Variants in COG5 observed in about 807,000 individuals in gnomAD.
COG5 encodes conserved oligomeric Golgi complex subunit 5.
A neutral mutation model predicts 110.4 loss-of-function variants in COG5; 86 were observed. The ratio of observed to expected loss-of-function variants is 0.78; its 90% CI spans 0.65 to 0.93. The LOEUF (loss-of-function observed/expected upper bound fraction) is 0.93. Ranked by LOEUF, COG5 falls within the 40% of genes least tolerant of loss-of-function variation. The pLI, the probability that COG5 is intolerant of heterozygous loss-of-function variation, is 0.00. For synonymous variants in COG5, 360 were observed against 334.6 expected (o/e 1.08, Z -0.83); for missense variants, 1,077 against 987.0 (o/e 1.09, Z -1.22).
intron 19 of COG5, among the ~76,000 whole-genome samples, chr7:107,223,067 C>G (rs1319747887): frequency 1.3e-5 from 2 of 152,188 alleles, no homozygotes; most frequent in African/African-American, 2.4e-5. Context: ...ATATAGGCAT[C>G]ATTCTCTTCC....
At chr7:107,262,081 G>C (rs1022631137) in intron 14 of COG5, among the ~76,000 whole-genome samples, 1 of 151,832 alleles carries the variant, frequency 6.6e-6, no homozygotes, top group African/African-American at 2.4e-5. Flanking sequence ...AGTAGAGATG[G>C]GGTTTTGTCA....
chr7:107,204,903 G>A (rs1198264127), intron 21 of COG5, among the ~76,000 whole-genome samples: 4 of 152,130 alleles, frequency 2.6e-5, no homozygotes, highest in Admixed American at 6.5e-5. Context: ...CGTTCTGCCC[G>A]CCTTCCCTTA....
intron 16 of COG5, among the ~76,000 whole-genome samples, chr7:107,250,055 T>A (rs1802376378): frequency 6.6e-6 from 1 of 152,018 alleles, no homozygotes; most frequent in African/African-American, 2.4e-5. Context: ...AGGAAACCAA[T>A]GATGGGTTTT....
chr7:107,220,135 T>C (rs1799810453), intron 19 of COG5, among the ~76,000 whole-genome samples: 1 of 152,162 alleles, frequency 6.6e-6, no homozygotes, highest in Non-Finnish European at 1.5e-5. Flanking sequence ...ATATCAGCTG[T>C]AGCAACTACT....
At chr7:107,217,620 A>G (rs372655706) in intron 19 of COG5, among the ~76,000 whole-genome samples, 51 of 152,292 alleles carry the variant, frequency 3.3e-4, no homozygotes, top group African/African-American at 1.1e-3. Context: ...GCATCGTATC[A>G]GCAGAACAAA....
intron 7 of COG5, among the ~76,000 whole-genome samples, chr7:107,404,174 A>T (rs1224861365): frequency 2.6e-5 from 4 of 152,178 alleles, no homozygotes; most frequent in Non-Finnish European, 4.4e-5. Context: ...TTTTACAATG[A>T]ACTGATATTG....
chr7:107,209,110 T>A, intron 21 of COG5: 1 of 985,496 alleles, frequency 1.0e-6, no homozygotes, highest in Non-Finnish European at 1.2e-6. Context: ...AGCCCCACTC[T>A]GGCTTTAGGG....
At chr7:107,275,366 G>A (rs149452748) in intron 14 of COG5, among the ~76,000 whole-genome samples, 168 of 151,072 alleles carry the variant, frequency 1.1e-3, no homozygotes, top group African/African-American at 3.8e-3. Context: ...GAGAAAGTGC[G>A]TTTGGTCAAA....
chr7:107,504,951 G>T (rs547731232), intron 6 of COG5, among the ~76,000 whole-genome samples: 1 of 152,132 alleles, frequency 6.6e-6, no homozygotes, highest in South Asian at 2.1e-4. Flanking sequence ...AGAGAATTCA[G>T]TTCTTGGTGC....
At chr7:107,546,701 C>T (rs1802482834) in intron 5 of COG5, among the ~76,000 whole-genome samples, 1 of 151,808 alleles carries the variant, frequency 6.6e-6, no homozygotes, top group Non-Finnish European at 1.5e-5. Context: ...AGAAACATTA[C>T]AACTGATATT....
chr7:107,350,494 C>A (rs1812041571), intron 10 of COG5, among the ~76,000 whole-genome samples: 1 of 152,126 alleles, frequency 6.6e-6, no homozygotes, highest in South Asian at 2.1e-4. Flanking sequence ...GATTCTTTAT[C>A]AGATAATTCT....
intron 6 of COG5, among the ~76,000 whole-genome samples, chr7:107,435,810 A>G (rs1794330753): frequency 6.6e-6 from 1 of 152,212 alleles, no homozygotes; most frequent in African/African-American, 2.4e-5. Context: ...ACCAAAAGAT[A>G]TTTAACAGGG....
chr7:107,245,758 G>C (rs558701000), intron 17 of COG5, among the ~76,000 whole-genome samples: 5 of 152,300 alleles, frequency 3.3e-5, no homozygotes, highest in African/African-American at 1.2e-4. Context: ...TGGATAGGAA[G>C]AATCAGTATG....
intron 12 of COG5, among the ~76,000 whole-genome samples, chr7:107,295,060 CACACACATATATATATAT>C (rs1161354238): frequency 6.9e-4 from 39 of 56,390 alleles, no homozygotes; most frequent in African/African-American, 5.0e-3. Flanking sequence ...CACACACACA[CACACACATATATATATAT>C]ATATATATAT....
At chr7:107,507,966 G>A (rs892003198) in intron 6 of COG5, among the ~76,000 whole-genome samples, 8 of 152,188 alleles carry the variant, frequency 5.3e-5, no homozygotes, top group Admixed American at 1.3e-4. Flanking sequence ...GCAGAAGACG[G>A]GTGATTTCTG....
At chr7:107,311,793 A>AT (rs1053144247) in intron 11 of COG5, among the ~76,000 whole-genome samples, 2 of 151,378 alleles carry the variant, frequency 1.3e-5, no homozygotes, top group African/African-American at 2.4e-5. Flanking sequence ...TTAATTAAAA[A>AT]TTTTTTTTCT....
chr7:107,281,577 G>C (rs529337471), intron 13 of COG5, among the ~76,000 whole-genome samples, 178 bp from the exon 14 acceptor site: 1 of 152,088 alleles, frequency 6.6e-6, no homozygotes, highest in Non-Finnish European at 1.5e-5. Flanking sequence ...CTTGGAAAAA[G>C]TACCTGGAGA....
chr7:107,383,972 T>C (rs1172009641), intron 7 of COG5, among the ~76,000 whole-genome samples: 1 of 152,134 alleles, frequency 6.6e-6, no homozygotes, highest in African/African-American at 2.4e-5. Context: ...GGATAAAGTT[T>C]TTTTTGCCAG....
chr7:107,498,561 A>C (rs1036894813), intron 6 of COG5, among the ~76,000 whole-genome samples: 2 of 152,212 alleles, frequency 1.3e-5, no homozygotes, highest in African/African-American at 4.8e-5. Flanking sequence ...ATGCAAATCG[A>C]AACCACAGTG....
Sources: allele counts gnomAD v4.1 joint callset (sites outside exome capture counted in the v4.1 genomes callset), GRCh38; gene constraint gnomAD v4.1.1; transcripts MANE v1.5; gene names NCBI Gene and HGNC (gene_info 2026-07-23, HGNC 2026-07-21).